The following PSPC1 variants were observed in gnomAD, a reference collection of about 807,000 sequenced individuals.
The protein encoded by PSPC1 is paraspeckle protein 1.
A neutral mutation model predicts 51.6 loss-of-function variants in PSPC1; 14 were observed. The observed-to-expected ratio is 0.27, with a 90% CI of 0.18 to 0.42. The LOEUF (loss-of-function observed/expected upper bound fraction) is 0.42, where lower values mean the gene tolerates loss of function less well. Among genes scored for constraint, PSPC1 ranks in the 10% least tolerant of loss-of-function variants. PSPC1 has a pLI of 1.00. For missense variants in PSPC1, 406 were observed against 701.1 expected, an observed-to-expected ratio of 0.58 and a Z score of 4.75; for synonymous variants, 193 against 231.9, an observed-to-expected ratio of 0.83 and a Z score of 1.53.
intron 5 of PSPC1, among the ~76,000 whole-genome samples, chr13:19,735,536 T>C (rs1244464782): frequency 2.0e-5 from 3 of 152,188 alleles, no homozygotes; most frequent in African/African-American, 7.2e-5. Context: ...ATTTATAGCA[T>C]TGAAAGTAAA....
chr13:19,686,829 GAAT>G (rs1374610553), intron 6 of PSPC1, among the ~76,000 whole-genome samples: 1 of 152,134 alleles, frequency 6.6e-6, no homozygotes, highest in Non-Finnish European at 1.5e-5. Context: ...TAAGTTTGAG[GAAT>G]AAGAGAATGG....
At chr13:19,708,630 A>C (rs754017204) in intron 7 of PSPC1, among the ~76,000 whole-genome samples, 5 of 152,214 alleles carry the variant, frequency 3.3e-5, no homozygotes, top group Non-Finnish European at 5.9e-5. Context: ...GTCAACTCTA[A>C]AACATGCATT....
At chr13:19,744,707 G>C (rs1231825604) in intron 4 of PSPC1, among the ~76,000 whole-genome samples, 1 of 152,096 alleles carries the variant, frequency 6.6e-6, no homozygotes, top group African/African-American at 2.4e-5. Flanking sequence ...TGGGATTATA[G>C]GCGCCCACAA....
chr13:19,702,986 T>C lies in PSPC1; in HGVS notation c.*189A>G, dbSNP rs550010204. ...ATTTCAACATTCAAAATGATGAGCA[T>C]CATTACCATTCTAATCTACAAAGCT... is the stretch of plus-strand genomic sequence containing the variant. On this transcript the variant is annotated 3_prime_UTR_variant, in exon 9 of 9. Coordinates refer to ENST00000338910, the MANE Select transcript of PSPC1 (RefSeq NM_001354909.2). 1.5e-5 allele frequency: 7 copies of C among 477,300 alleles called. No homozygotes were observed. The highest frequency in any genetic ancestry group is 3.3e-5 in the South Asian group (1 of 30,694). 29.6% of individuals were successfully genotyped at this position (477,300 alleles called of 1,614,324 possible). A position where few individuals can be genotyped will look rare whatever the true frequency, so the allele number is the denominator to read the frequency against.
intron 8 of PSPC1, among the ~76,000 whole-genome samples, 187 bp from the exon 9 acceptor site, chr13:19,703,547 A>T (rs1471044183): frequency 8.8e-5 from 13 of 147,344 alleles, no homozygotes; most frequent in East Asian, 2.0e-4. Flanking sequence ...GTTTTTTTTA[A>T]AAAAATGCAG....
At chr13:19,717,307 T>G (rs967472181) in intron 6 of PSPC1, among the ~76,000 whole-genome samples, 5 of 152,000 alleles carry the variant, frequency 3.3e-5, no homozygotes, top group Admixed American at 3.3e-4. Context: ...GGCTCACACT[T>G]GTAATCCCAG....
chr13:19,780,172 T>C (rs1409150592), intron 1 of PSPC1, among the ~76,000 whole-genome samples: 2 of 94,164 alleles, frequency 2.1e-5, no homozygotes, highest in Admixed American at 1.1e-4. Flanking sequence ...AGCCGCCCCG[T>C]CCGGGAGGGA....
chr13:19,684,262 C>T (rs573138707), intron 6 of PSPC1, among the ~76,000 whole-genome samples: 370 of 152,260 alleles, frequency 2.4e-3, no homozygotes, highest in Middle Eastern at 0.01. Context: ...AAAAAACTAC[C>T]ATTGATCACT....
chr13:19,781,771 T>A (rs1042633502), intron 1 of PSPC1, among the ~76,000 whole-genome samples: 4 of 152,180 alleles, frequency 2.6e-5, no homozygotes, highest in Admixed American at 2.0e-4. Context: ...CGAGACCCCA[T>A]TTCTATTAAA....
chr13:19,677,821 A>G, exon 7 of PSPC1: 1 of 488,234 alleles, frequency 2.0e-6, no homozygotes, highest in Non-Finnish European at 4.1e-6. Flanking sequence ...TTCTTTTATC[A>G]CCCTAGAAAT....
At chr13:19,780,205 G>A (rs1308311605) in intron 1 of PSPC1, among the ~76,000 whole-genome samples, 5 of 136,436 alleles carry the variant, frequency 3.7e-5, no homozygotes, top group Admixed American at 7.3e-5. Context: ...CAGCCCCCCC[G>A]CCCGGCCAGC....
chr13:19,762,645 G>T (rs899012840), intron 2 of PSPC1, among the ~76,000 whole-genome samples: 3 of 152,170 alleles, frequency 2.0e-5, no homozygotes, highest in African/African-American at 7.2e-5. Context: ...GTGTACAAGG[G>T]AATTACTTAA....
chr13:19,751,853 C>CA lies in PSPC1; in HGVS notation c.771-387dup, dbSNP rs529303731. 3.2e-4 allele frequency among the ~76,000 whole-genome samples: 49 copies of CA among 152,210 alleles called. 1 individual carries two copies. The highest frequency in any genetic ancestry group is 1.1e-3 in the African/African-American group (46 of 41,532). On this transcript the variant is annotated intron_variant, in intron 3 of 8. Coordinates refer to ENST00000338910, the MANE Select transcript of PSPC1 (RefSeq NM_001354909.2). ...CGGGCAGATCACGAGGTCAGGATAT[C>CA]AAGACCATCCTGGCTAACGTTGTGA...
chr13:19,688,155 T>G (rs537608793), intron 6 of PSPC1, among the ~76,000 whole-genome samples: 1 of 152,174 alleles, frequency 6.6e-6, no homozygotes, highest in Non-Finnish European at 1.5e-5. Flanking sequence ...GAGCATTCTA[T>G]GAAAATCCTT....
At chr13:19,750,227 G>C (rs1353400741) in intron 4 of PSPC1, among the ~76,000 whole-genome samples, 3 of 152,154 alleles carry the variant, frequency 2.0e-5, no homozygotes, top group Admixed American at 2.0e-4. Flanking sequence ...ATTCAGACAG[G>C]CAGCTGTGGT....
At chr13:19,754,624 G>C (rs902402306) in intron 3 of PSPC1, among the ~76,000 whole-genome samples, 1 of 150,638 alleles carries the variant, frequency 6.6e-6, no homozygotes, top group Non-Finnish European at 1.5e-5. Flanking sequence ...ATTTTTAGTA[G>C]AGACAGGGTT....
At chr13:19,748,614 C>T (rs1886231872) in intron 4 of PSPC1, among the ~76,000 whole-genome samples, 1 of 152,052 alleles carries the variant, frequency 6.6e-6, no homozygotes, top group South Asian at 2.1e-4. Flanking sequence ...TCAGACATGT[C>T]TCCCATAACT....
chr13:19,745,896 C>T (rs571232688), intron 4 of PSPC1, among the ~76,000 whole-genome samples: 1 of 152,204 alleles, frequency 6.6e-6, no homozygotes, highest in South Asian at 2.1e-4. Flanking sequence ...TATTTAAATC[C>T]TAATATCTCA....
At chr13:19,713,141 TC>T (rs1881645589) in intron 6 of PSPC1, among the ~76,000 whole-genome samples, 1 of 152,198 alleles carries the variant, frequency 6.6e-6, no homozygotes, top group Non-Finnish European at 1.5e-5. Flanking sequence ...TAATAACACT[TC>T]AAATTAGAAT....
Sources: gnomAD v4.1 joint callset for allele counts (sites outside exome capture counted in the v4.1 genomes callset) on GRCh38, gnomAD v4.1.1 for gene constraint, MANE v1.5 for transcripts, NCBI Gene and HGNC (gene_info 2026-07-23, HGNC 2026-07-21) for gene names.